SLC6A16: variants seen among roughly 807,000 people sequenced by gnomAD.
SLC6A16 encodes the protein solute carrier family 6 member 16, also known as orphan sodium- and chloride-dependent neurotransmitter transporter NTT5.
A neutral mutation model predicts 65.4 loss-of-function variants in SLC6A16; 54 were observed. That is an observed-to-expected ratio of 0.83 (90% CI 0.66 to 1.04). The LOEUF (loss-of-function observed/expected upper bound fraction) is 1.04. Among genes scored for constraint, SLC6A16 ranks in the 50% least tolerant of loss-of-function variants. The pLI is 0.00. For missense variants in SLC6A16, 816 were observed against 914.0 expected (o/e 0.89, Z 1.38); for synonymous variants, 330 against 346.5 (o/e 0.95, Z 0.53).
At chr19:49,296,439 TA>T (rs888251062) in intron 7 of SLC6A16, among the ~76,000 whole-genome samples, 24 of 151,826 alleles carry the variant, frequency 1.6e-4, no homozygotes, top group African/African-American at 4.6e-4. Context: ...GGTATTGGTG[TA>T]AAAAAAATAG....
At chr19:49,291,065 C>T (rs1020669929) in intron 10 of SLC6A16, among the ~76,000 whole-genome samples, 6 of 152,152 alleles carry the variant, frequency 3.9e-5, no homozygotes, top group Admixed American at 3.3e-4. Context: ...TATGATGTGC[C>T]AGGAACTCTT....
At chr19:49,322,628 C>G (rs1017427558) in intron 1 of SLC6A16, among the ~76,000 whole-genome samples, 2 of 132,758 alleles carry the variant, frequency 1.5e-5, no homozygotes, top group African/African-American at 5.9e-5. Flanking sequence ...GAGTGAAACT[C>G]CATCTCAAAA....
intron 1 of SLC6A16, among the ~76,000 whole-genome samples, chr19:49,323,761 C>G (rs1970753717): frequency 6.6e-6 from 1 of 152,142 alleles, no homozygotes; most frequent in South Asian, 2.1e-4. Context: ...CCTTGCTGGT[C>G]AGAATGTAAA....
chr19:49,331,950 G>T, the SLC6A16 span: 8 of 450,900 alleles, frequency 1.8e-5, no homozygotes, highest in Non-Finnish European at 3.1e-5. Context: ...TCTCTGAGGA[G>T]GGATCAGTGG....
At chr19:49,330,718 G>A in the SLC6A16 span, among the ~76,000 whole-genome samples, 1 of 152,198 alleles carries the variant, frequency 6.6e-6, no homozygotes, top group Non-Finnish European at 1.5e-5. Flanking sequence ...AAGGTGGGCA[G>A]ATCACCTGAG....
the SLC6A16 span, chr19:49,335,437 T>C: frequency 1.2e-6 from 1 of 854,010 alleles, no homozygotes; most frequent in Non-Finnish European, 1.9e-6. This position sits in a 1 kb window ranked among gnomAD's most constrained non-coding sequence, Gnocchi z 4.6. Context: ...CTCTCTCAGC[T>C]CTCCGTCTCT....
the SLC6A16 span, among the ~76,000 whole-genome samples, chr19:49,330,473 G>A: frequency 6.6e-6 from 1 of 152,118 alleles, no homozygotes; most frequent in Non-Finnish European, 1.5e-5. Context: ...CCAAATTTTA[G>A]AAGCTAGAAA....
intron 1 of SLC6A16, among the ~76,000 whole-genome samples, chr19:49,318,403 A>T (rs903074767): frequency 5.3e-5 from 8 of 152,306 alleles, no homozygotes; most frequent in African/African-American, 1.7e-4. Context: ...GCCAAAACTG[A>T]TCTTCAAGTA....
chr19:49,297,247 T>C (rs1001542729), intron 7 of SLC6A16, among the ~76,000 whole-genome samples: 1 of 152,128 alleles, frequency 6.6e-6, no homozygotes, highest in Non-Finnish European at 1.5e-5. Context: ...AAACCCTGAT[T>C]TTTAAAATGG....
Position 49,309,282 on chromosome 19 carries a change from G to A in SLC6A16, c.987+19C>T, listed in dbSNP as rs771290950. 4 of 1,594,766 alleles carry A rather than the reference G, an allele frequency of 2.5e-6. No homozygotes were observed. The highest frequency in any genetic ancestry group is 3.4e-6 in the Non-Finnish European group (4 of 1,162,412). On this transcript the variant is annotated intron_variant, in intron 6 of 11. Transcript: ENST00000335875. ...GTGCCCTACAAGGCCTGACGGGGGA[G>A]TGAGGAGATAGATTTCACCTTGGCA...
intron 7 of SLC6A16, among the ~76,000 whole-genome samples, chr19:49,295,620 G>A (rs1039601851): frequency 6.6e-6 from 1 of 152,142 alleles, no homozygotes; most frequent in African/African-American, 2.4e-5. Flanking sequence ...AAGATAATAA[G>A]GAATTATCAG....
At chr19:49,307,066 T>TTTTTTTTTTTTTTTTTTTGG (rs56976337) in intron 7 of SLC6A16, among the ~76,000 whole-genome samples, 2 of 144,188 alleles carry the variant, frequency 1.4e-5, no homozygotes, top group African/African-American at 5.2e-5. Context: ...TTTTTTTTTT[T>TTTTTTTTTTTTTTTTTTTGG]GTTAGAGGAA....
At chr19:49,308,755 T>C in intron 7 of SLC6A16, 121 bp downstream of exon 7, 1 of 1,219,778 alleles carries the variant, frequency 8.2e-7, no homozygotes, top group Non-Finnish European at 1.2e-6. Flanking sequence ...GGTAGAGGGC[T>C]TGCAAGTGCA....
chr19:49,335,013 G>A, the SLC6A16 span, among the ~76,000 whole-genome samples: 1 of 152,112 alleles, frequency 6.6e-6, no homozygotes, highest in Non-Finnish European at 1.5e-5. This position sits in a 1 kb window ranked among gnomAD's most constrained non-coding sequence, Gnocchi z 4.6. Flanking sequence ...ATGGGGAGTA[G>A]CAGGAAGGTG....
chr19:49,326,075 CAGG>C (rs1970793717), upstream of SLC6A16, among the ~76,000 whole-genome samples: 1 of 150,678 alleles, frequency 6.6e-6, no homozygotes, highest in Non-Finnish European at 1.5e-5. Flanking sequence ...GAGCCTGAGG[CAGG>C]AGAATCGTTG....
the SLC6A16 span, chr19:49,336,703 G>C: frequency 1.8e-5 from 10 of 562,174 alleles, no homozygotes; most frequent in African/African-American, 1.7e-4. Context: ...AAGAGGAAGA[G>C]AGACAGAGAT....
At chr19:49,326,665 A>G (rs928359185), upstream of SLC6A16, among the ~76,000 whole-genome samples, 34 of 152,178 alleles carry the variant, frequency 2.2e-4, no homozygotes, top group African/African-American at 8.2e-4. Flanking sequence ...TTTGCTTCAC[A>G]CAACAAGAAA....
chr19:49,308,415 T>G (rs1035194941), intron 7 of SLC6A16, among the ~76,000 whole-genome samples: 1 of 152,074 alleles, frequency 6.6e-6, no homozygotes, highest in African/African-American at 2.4e-5. Flanking sequence ...TTCGCGCCAC[T>G]GCACTCCAGC....
the SLC6A16 span, chr19:49,340,058 C>T: frequency 1.3e-6 from 2 of 1,507,174 alleles, no homozygotes; most frequent in Middle Eastern, 1.9e-4. Flanking sequence ...CCACTTGTAG[C>T]AGCTATTCCC....
Sources: gnomAD v4.1 joint callset for allele counts (sites outside exome capture counted in the v4.1 genomes callset) on GRCh38, gnomAD v4.1.1 for gene constraint, Gnocchi (gnomAD v3.1) non-coding constraint, MANE v1.5 for transcripts, NCBI Gene and HGNC (gene_info 2026-07-23, HGNC 2026-07-21) for gene names.